The following AGBL1 variants were observed in gnomAD, a reference collection of about 807,000 sequenced individuals.
AGBL1 encodes cytosolic carboxypeptidase 4.
Under a neutral mutation model 118.9 loss-of-function variants are expected in AGBL1, and 130 were observed. That is an observed-to-expected ratio of 1.09 (90% confidence interval 0.95 to 1.26). AGBL1 has a LOEUF of 1.26. Ranked by LOEUF, AGBL1 falls within the 50% of genes most tolerant of loss-of-function variation. AGBL1 has a pLI of 0.00. For synonymous variants in AGBL1, 555 were observed against 478.9 expected (o/e 1.16, Z -2.08); for missense variants, 1,584 against 1,298.1 (o/e 1.22, Z -3.38).
intron 5 of AGBL1, among the ~76,000 whole-genome samples, chr15:86,166,653 C>T (rs2077346274): frequency 2.0e-5 from 3 of 152,178 alleles, no homozygotes; most frequent in Admixed American, 2.0e-4. Context: ...AGCTCAGGAA[C>T]TCATCCTGCG....
intron 9 of AGBL1, among the ~76,000 whole-genome samples, chr15:86,258,661 A>G (rs1204265825): frequency 6.6e-6 from 1 of 152,232 alleles, no homozygotes; most frequent in Non-Finnish European, 1.5e-5. Flanking sequence ...GTTGTAGCAC[A>G]AAACAGCTAT....
chr15:87,023,922 A>C (rs182381739), intron 24 of AGBL1, among the ~76,000 whole-genome samples: 6 of 152,052 alleles, frequency 3.9e-5, no homozygotes, highest in Non-Finnish European at 5.9e-5. Flanking sequence ...AAATTAAAAA[A>C]TTCTTTGAAC....
At chr15:86,439,314 T>C (rs1028395281) in intron 18 of AGBL1, among the ~76,000 whole-genome samples, 4 of 152,154 alleles carry the variant, frequency 2.6e-5, no homozygotes, top group African/African-American at 9.7e-5. Flanking sequence ...CTCCAGCCGG[T>C]ATAATTACAT....
At chr15:86,916,795 G>T (rs1327061586), downstream of AGBL1, among the ~76,000 whole-genome samples, 3 of 152,194 alleles carry the variant, frequency 2.0e-5, no homozygotes, top group Non-Finnish European at 4.4e-5. Flanking sequence ...GCCCGGGGCT[G>T]GCCAGGCCGG....
intron 21 of AGBL1, among the ~76,000 whole-genome samples, chr15:86,639,851 C>A (rs900654777): frequency 6.6e-6 from 1 of 152,144 alleles, no homozygotes; most frequent in Non-Finnish European, 1.5e-5. Flanking sequence ...CATCACATTA[C>A]GTTTTCTGGG....
intron 23 of AGBL1, among the ~76,000 whole-genome samples, chr15:86,985,761 T>C (rs1301215278): frequency 6.6e-6 from 1 of 152,224 alleles, no homozygotes; most frequent in Admixed American, 6.5e-5. Context: ...CATTTTCTTT[T>C]ATGGTTTATA....
At chr15:86,708,498 T>C (rs2086494143) in intron 22 of AGBL1, among the ~76,000 whole-genome samples, 2 of 152,128 alleles carry the variant, frequency 1.3e-5, no homozygotes, top group African/African-American at 4.8e-5. Context: ...AACAAATTGC[T>C]ATTGTTAAAG....
chr15:86,274,335 C>T lies in AGBL1; in HGVS notation c.2075+2629C>T, dbSNP rs111723093. ...ATTATTTTAACAAAAATGAGAATTA[C>T]CGAGAAAGACCTAATATTAAGGGTA... On this transcript the variant is annotated intron_variant, in intron 15 of 22. Transcript: ENST00000614907. Among the ~76,000 whole-genome samples the T allele has an allele frequency of 4.7e-3, 718 of 152,016 alleles. 4 individuals are homozygous for T. Among genetic ancestry groups the T allele is most frequent in the Middle Eastern group, 0.01 (3 of 294 alleles).
intron 22 of AGBL1, among the ~76,000 whole-genome samples, chr15:86,755,351 T>C (rs963395049): frequency 4.6e-5 from 7 of 152,094 alleles, no homozygotes; most frequent in Non-Finnish European, 7.4e-5. Context: ...TTATTACAGC[T>C]GAGTAGCGGA....
At chr15:86,154,274 G>C (rs1749455017) in intron 3 of AGBL1, among the ~76,000 whole-genome samples, 156 bp from the exon 4 acceptor site, 1 of 152,060 alleles carries the variant, frequency 6.6e-6, no homozygotes, top group African/African-American at 2.4e-5. Flanking sequence ...GGTTCTAGTG[G>C]GGACATATTT....
chr15:86,858,756 G>A (rs1005448584), intron 22 of AGBL1, among the ~76,000 whole-genome samples: 11 of 152,138 alleles, frequency 7.2e-5, no homozygotes, highest in Admixed American at 3.9e-4. Flanking sequence ...GAAGAATCAG[G>A]AAACTTGGGT....
intron 17 of AGBL1, among the ~76,000 whole-genome samples, chr15:86,320,052 C>T (rs188415928): frequency 2.1e-3 from 316 of 152,112 alleles, no homozygotes; most frequent in Non-Finnish European, 3.5e-3. Context: ...CCACTGCACC[C>T]GGCCTCTTTG....
intron 18 of AGBL1, among the ~76,000 whole-genome samples, chr15:86,407,844 G>A (rs2081552361): frequency 6.6e-6 from 1 of 152,036 alleles, no homozygotes; most frequent in South Asian, 2.1e-4. Flanking sequence ...ATCATGTGGG[G>A]GAATGATTCC....
intron 1 of AGBL1, among the ~76,000 whole-genome samples, chr15:86,133,762 C>A (rs1434263422): frequency 1.3e-5 from 2 of 152,182 alleles, no homozygotes; most frequent in Non-Finnish European, 2.9e-5. Flanking sequence ...GGAGAACTCT[C>A]AGCAAAGATC....
intron 17 of AGBL1, among the ~76,000 whole-genome samples, chr15:86,360,172 G>C (rs948353192): frequency 2.6e-5 from 4 of 151,968 alleles, no homozygotes; most frequent in Middle Eastern, 6.8e-3. Context: ...GTGATCTGTG[G>C]GCATTTAATA....
chr15:86,376,430 G>A (rs554384291), intron 17 of AGBL1, among the ~76,000 whole-genome samples: 5 of 152,176 alleles, frequency 3.3e-5, no homozygotes, highest in Non-Finnish European at 7.3e-5. Flanking sequence ...TCAAATTAGA[G>A]CTAGGCAAAG....
intron 17 of AGBL1, among the ~76,000 whole-genome samples, chr15:86,389,309 AC>A (rs1212885386): frequency 5.3e-5 from 8 of 152,330 alleles, no homozygotes; most frequent in Non-Finnish European, 8.8e-5. Flanking sequence ...GTTTCCAGGT[AC>A]CTAAAGACTG....
chr15:86,463,392 C>G (rs928431885), intron 18 of AGBL1, among the ~76,000 whole-genome samples: 3 of 151,900 alleles, frequency 2.0e-5, no homozygotes, highest in African/African-American at 7.3e-5. Flanking sequence ...TGTAGGTTGC[C>G]TGTTCACTCT....
chr15:86,850,047 G>T (rs2079383191), intron 22 of AGBL1, among the ~76,000 whole-genome samples: 1 of 152,172 alleles, frequency 6.6e-6, no homozygotes, highest in South Asian at 2.1e-4. Context: ...ATTGCATAAA[G>T]GTAGTCACCT....
Sources: gnomAD v4.1 joint callset for allele counts (sites outside exome capture counted in the v4.1 genomes callset) on GRCh38, gnomAD v4.1.1 for gene constraint, MANE v1.5 for transcripts, NCBI Gene and HGNC (gene_info 2026-07-23, HGNC 2026-07-21) for gene names.